The following AFF2 variants were observed in gnomAD, a reference collection of about 807,000 sequenced individuals.
AFF2 encodes the protein ALF transcription elongation factor 2, also known as AF4/FMR2 family member 2.
A neutral mutation model predicts 76.9 loss-of-function variants in AFF2; 14 were observed. The observed-to-expected ratio is 0.18, with a 90% CI of 0.12 to 0.28. AFF2 has a LOEUF of 0.28. Ranked by LOEUF, AFF2 falls within the 10% of genes least tolerant of loss-of-function variation. The pLI is 1.00. For synonymous variants in AFF2, 398 were observed against 366.7 expected (o/e 1.09, Z -0.98); for missense variants, 868 against 1,001.1 (o/e 0.87, Z 1.79).
intron 7 of AFF2, among the ~76,000 whole-genome samples, chrX:148,849,843 T>A (rs1215526466): frequency 2.7e-5 from 3 of 111,932 alleles, no homozygotes; most frequent in African/African-American, 6.5e-5. Context: ...AGCCATCCCA[T>A]GAGTCATTTG....
chrX:148,753,713 A>C (rs1255859433), intron 3 of AFF2, among the ~76,000 whole-genome samples: 2 of 111,541 alleles, frequency 1.8e-5, no homozygotes, highest in African/African-American at 6.5e-5. Flanking sequence ...TGTCACTGTT[A>C]ATTGTGACTG....
At chrX:148,947,572 T>TG (rs1230683818) in intron 9 of AFF2, among the ~76,000 whole-genome samples, 1 of 111,793 alleles carries the variant, frequency 8.9e-6, no homozygotes, top group East Asian at 2.8e-4. Context: ...ACAGGGGAGA[T>TG]GGGGGAAGAT....
intron 1 of AFF2, among the ~76,000 whole-genome samples, chrX:148,563,268 C>T (rs782757512): frequency 8.9e-6 from 1 of 112,222 alleles, no homozygotes; most frequent in South Asian, 3.7e-4. Flanking sequence ...TTTCATTCTA[C>T]CTGCAATGGG....
At chrX:148,806,357 A>G (rs2070133160) in intron 3 of AFF2, among the ~76,000 whole-genome samples, 1 of 112,003 alleles carries the variant, frequency 8.9e-6, no homozygotes, top group African/African-American at 3.2e-5. Context: ...ATCACTTCTC[A>G]GCCATGTCGA....
intron 1 of AFF2, among the ~76,000 whole-genome samples, chrX:148,535,057 C>T (rs1388880892): frequency 9.0e-6 from 1 of 111,428 alleles, no homozygotes; most frequent in Non-Finnish European, 1.9e-5. Flanking sequence ...TACTTAAATT[C>T]TCCATGCCTC....
chrX:148,757,338 A>G (rs934742152), intron 3 of AFF2, among the ~76,000 whole-genome samples: 1 of 111,753 alleles, frequency 8.9e-6, no homozygotes, highest in African/African-American at 3.2e-5. Flanking sequence ...AAGTTTGCTG[A>G]CTGCGATTTT....
rs1380377940 is a variant in AFF2 at position 148,996,145 on chromosome X, G to T, written c.*4813G>T. On this transcript the variant is annotated 3_prime_UTR_variant, in exon 21 of 21. Transcript: ENST00000370460. The stretch of plus-strand genomic sequence containing the variant: ...AGTCAAATGCACCCCAGATGCTCAA[G>T]CCCTGTTGTGGTTCTGCAGTGTTTA... The T allele has an allele frequency of 3.6e-5, 4 of 112,552 alleles. No individual in the cohort carries two copies. Among genetic ancestry groups the T allele is most frequent in the African/African-American group, 1.3e-4 (4 of 30,944 alleles). The allele number at this position is 112,552 out of a possible 1,213,427, so 9.3% of individuals were successfully genotyped here.
chrX:148,674,508 G>A (rs1299534938), intron 3 of AFF2, among the ~76,000 whole-genome samples: 4 of 112,097 alleles, frequency 3.6e-5, no homozygotes, highest in African/African-American at 1.3e-4. Flanking sequence ...GCTCTCCCAG[G>A]TCTAGGCCTA....
rs2072664894 is a variant in AFF2 at position 149,000,637 on chromosome X, C to G, written c.*9305C>G. On this transcript the variant is annotated 3_prime_UTR_variant, in exon 21 of 21. Transcript: ENST00000370460. ...CAATGCATTGAATTATTTAAAAATG[C>G]AAAATAAAATTTTTATGAAAATCTC... 1 of 112,588 alleles carries G rather than the reference C, an allele frequency of 8.9e-6. No homozygotes were observed. Among genetic ancestry groups the G allele is most frequent in the South Asian group, 3.7e-4 (1 of 2,730 alleles). The allele number at this position is 112,588 out of a possible 1,213,427, so 9.3% of individuals were successfully genotyped here.
chrX:148,889,233 G>A (rs985485763), intron 8 of AFF2, among the ~76,000 whole-genome samples: 3 of 111,379 alleles, frequency 2.7e-5, no homozygotes, highest in Non-Finnish European at 5.6e-5. Context: ...TGGCATTTGG[G>A]TACCGAGTAT....
chrX:148,524,111 CTCTCTCTCTCTCTGTG>C (rs1190997530), intron 1 of AFF2, among the ~76,000 whole-genome samples: 1 of 76,613 alleles, frequency 1.3e-5, no homozygotes, highest in African/African-American at 5.1e-5. Flanking sequence ...CTCTCTCTCT[CTCTCTCTCTCTCTGTG>C]TGTGTGTGTG....
chrX:148,830,420 A>G (rs1329937190), intron 4 of AFF2, among the ~76,000 whole-genome samples: 1 of 111,490 alleles, frequency 9.0e-6, no homozygotes, highest in African/African-American at 3.3e-5. Flanking sequence ...GGCTCCCTCC[A>G]TGGGCCCATC....
intron 3 of AFF2, among the ~76,000 whole-genome samples, chrX:148,755,455 G>A (rs1021779407): frequency 6.3e-5 from 7 of 111,575 alleles, no homozygotes; most frequent in Admixed American, 9.6e-5. Context: ...ATGCGGGGGC[G>A]ACAGGTTCTG....
At chrX:148,651,978 G>A in intron 1 of AFF2, 21 bp from the exon 2 acceptor site, 1 of 1,145,066 alleles carries the variant, frequency 8.7e-7, no homozygotes, top group Non-Finnish European at 1.2e-6. Context: ...TTCTCTTTTT[G>A]TCTTTTCCTT....
chrX:148,730,311 T>G (rs1301115403), intron 3 of AFF2, among the ~76,000 whole-genome samples: 3 of 112,310 alleles, frequency 2.7e-5, no homozygotes, highest in African/African-American at 9.7e-5. Flanking sequence ...ACACCAAAGA[T>G]TTCCTAGATG....
intron 9 of AFF2, among the ~76,000 whole-genome samples, chrX:148,940,166 A>C (rs1557285440): frequency 8.9e-6 from 1 of 111,764 alleles, no homozygotes; most frequent in African/African-American, 3.3e-5. Flanking sequence ...TCTCACTAAA[A>C]GTACATGTCT....
intron 12 of AFF2, among the ~76,000 whole-genome samples, chrX:148,961,253 C>T (rs1254051786): frequency 1.8e-5 from 2 of 112,020 alleles, no homozygotes; most frequent in African/African-American, 3.2e-5. Context: ...CACAGCAATG[C>T]TTGACATCCA....
At chrX:148,532,896 C>T (rs782088203) in intron 1 of AFF2, among the ~76,000 whole-genome samples, 62 of 111,861 alleles carry the variant, frequency 5.5e-4, no homozygotes, top group Middle Eastern at 9.3e-3. Context: ...GTCGGTCAAA[C>T]AGTGTCTTCA....
At chrX:148,613,424 A>G (rs2053753301) in intron 1 of AFF2, among the ~76,000 whole-genome samples, 1 of 111,743 alleles carries the variant, frequency 8.9e-6, no homozygotes, top group African/African-American at 3.3e-5. Flanking sequence ...TTGTCTACGG[A>G]TTGATCTTCT....
Sources: gnomAD v4.1 joint callset for allele counts (sites outside exome capture counted in the v4.1 genomes callset) on GRCh38, gnomAD v4.1.1 for gene constraint, MANE v1.5 for transcripts, NCBI Gene and HGNC (gene_info 2026-07-23, HGNC 2026-07-21) for gene names.